FPGS: variants seen among roughly 807,000 people sequenced by gnomAD.
FPGS encodes folylpolyglutamate synthase, mitochondrial.
FPGS carries 53 observed loss-of-function variants against 66.5 expected under a neutral mutation model. The ratio of observed to expected loss-of-function variants is 0.80; its 90% CI spans 0.64 to 1.00. The LOEUF (loss-of-function observed/expected upper bound fraction) is 1.00, where lower values mean the gene tolerates loss of function less well. Among genes scored for constraint, FPGS ranks in the 50% least tolerant of loss-of-function variants. FPGS has a pLI of 0.00. For synonymous variants in FPGS, 348 were observed against 350.9 expected (o/e 0.99, Z 0.09); for missense variants, 702 against 807.7 (o/e 0.87, Z 1.59).
Position 127,808,011 on chromosome 9 carries a change from CA to C in FPGS, c.745-222del, listed in dbSNP as rs1247686661. On this transcript the variant is annotated intron_variant, in intron 8 of 14. Coordinates refer to ENST00000373247, the MANE Select transcript of FPGS (RefSeq NM_004957.6). Reference sequence around the variant, plus strand: ...GTTCCAGCTACTTGGGAGACTGAGGCAGGAGAATCACTCGAACCCGGGAGGC... The same window carrying C: ...GTTCCAGCTACTTGGGAGACTGAGGCGGAGAATCACTCGAACCCGGGAGGC... 2.1e-5 allele frequency: 12 copies of C among 579,274 alleles called. 1 individual carries two copies. The highest frequency in any genetic ancestry group is 9.2e-6 in the Non-Finnish European group (3 of 325,794). The allele number at this position is 579,274 out of a possible 1,614,324, so 35.9% of individuals were successfully genotyped here. A position where few individuals can be genotyped will look rare whatever the true frequency, so the allele number is the denominator to read the frequency against.
At chr9:127,804,775 A>T in intron 4 of FPGS, 75 bp downstream of exon 4, 1 of 1,457,220 alleles carries the variant, frequency 6.9e-7, no homozygotes, top group African/African-American at 1.4e-5. Flanking sequence ...CCAGTGCTTC[A>T]GGACCAGGGT....
chr9:127,803,118 G>A, intron 1 of FPGS, 56 bp downstream of exon 1: 1 of 1,299,982 alleles, frequency 7.7e-7, no homozygotes, highest in Non-Finnish European at 9.7e-7. Context: ...GTGGGCCTGC[G>A]CTGAGCCGCA....
rs11554716 is a variant in FPGS at position 127,803,047 on chromosome 9, G to A, written c.123G>A (p.Pro41=). ...GCGCGTGGCCGGTGCCGCAGGAGCC[G>A]AGCATGGAGTACCAGGTATCAGGCG... The part of the protein sequence containing the change: ...GLSAWPVPQE[P]SMEYQDAVRM... Residue 41 remains proline, a synonymous_variant, in exon 1 of 15, where the codon CCG becomes CCA. Coordinates refer to ENST00000373247, the MANE Select transcript of FPGS (RefSeq NM_004957.6). 0.011 allele frequency: 16,277 copies of A among 1,430,964 alleles called. 1,274 individuals carry two copies. The African/African-American group carries it at 0.19, about 17-fold the overall frequency. The allele number at this position is 1,430,964 out of a possible 1,614,324, so 88.6% of individuals were successfully genotyped here.
chr9:127,803,509 G>A, intron 1 of FPGS: 1 of 714,960 alleles, frequency 1.4e-6, no homozygotes. Context: ...GCCTGGATTT[G>A]GGGGAGAGGC....
intron 1 of FPGS, among the ~76,000 whole-genome samples, chr9:127,804,083 C>T (rs950083205): frequency 2.6e-5 from 4 of 152,210 alleles, no homozygotes; most frequent in Non-Finnish European, 5.9e-5. Flanking sequence ...CTGAACTGCC[C>T]CAGACTCCCA....
Position 127,808,698 on chromosome 9 carries a change from C to A in FPGS, c.963C>A (p.Asp321Glu). The change falls in exon 10 of 15, where the codon GAC becomes GAA. Residue 321 changes from aspartate to glutamate, a missense_variant. Around this residue, in one of 3 missense-constraint regions of FPGS, gnomAD observed 351 missense variants for 363.7 expected, o/e 0.97. Coordinates refer to ENST00000373247, the MANE Select transcript of FPGS (RefSeq NM_004957.6). ...QLAHCWLQRQDRHGAGEPKAS... is the reference protein window; with the variant it reads ...QLAHCWLQRQERHGAGEPKAS... Reference sequence around the variant, plus strand: ...CCCACTGCTGGCTGCAGCGGCAGGACCGCCATGGTGAGTGGGCAGCTGAGT... The same window carrying A: ...CCCACTGCTGGCTGCAGCGGCAGGAACGCCATGGTGAGTGGGCAGCTGAGT... 6.3e-7 allele frequency: 1 copy of A among 1,585,980 alleles called. No homozygotes were observed. Among genetic ancestry groups the A allele is most frequent in the Non-Finnish European group, 8.6e-7 (1 of 1,166,670 alleles).
chr9:127,811,481 A>G (rs954688641), intron 14 of FPGS, among the ~76,000 whole-genome samples: 17 of 62,216 alleles, frequency 2.7e-4, no homozygotes, highest in African/African-American at 6.8e-4. Context: ...AGACTGTCTC[A>G]AAAAAAAAAA....
In FPGS at chr9:127,809,936, C is replaced by T. The variant is rs1363788568; in HGVS notation, c.1212-95C>T. 15 of 1,066,566 alleles carry T rather than the reference C, an allele frequency of 1.4e-5. No homozygotes were observed. In the East Asian group the frequency reaches 2.6e-4, roughly 18 times the overall value. The allele number at this position is 1,066,566 out of a possible 1,614,324, so 66.1% of individuals were successfully genotyped here. On this transcript the variant is annotated intron_variant, in intron 12 of 14. Transcript: ENST00000373247. ...GTCGTGGGGAAGGGCGGGGGCGGGCCCATGGGGAGGGGCGGGGTCGTGGGC... is the reference window on the plus strand; with the variant it reads ...GTCGTGGGGAAGGGCGGGGGCGGGCTCATGGGGAGGGGCGGGGTCGTGGGC...
intron 1 of FPGS, 100 bp downstream of exon 1, chr9:127,803,162 G>C (rs1297360294): frequency 7.9e-7 from 1 of 1,259,938 alleles, no homozygotes; most frequent in African/African-American, 1.6e-5. Context: ...AGAGGGTATC[G>C]GGAGCCCTGG....
chr9:127,811,813 G>A (rs1830092522), intron 14 of FPGS, among the ~76,000 whole-genome samples: 1 of 152,088 alleles, frequency 6.6e-6, no homozygotes, highest in Non-Finnish European at 1.5e-5. Flanking sequence ...ATGAAATAGA[G>A]TAGAATAGAA....
chr9:127,808,508 A>G (rs1829914480), intron 9 of FPGS, 50 bp from the exon 10 acceptor site: 1 of 1,606,010 alleles, frequency 6.2e-7, no homozygotes, highest in Admixed American at 1.7e-5. Context: ...GCAAGGGCTG[A>G]CGTGGTCAGG....
chr9:127,809,762 A>G lies in FPGS; in HGVS notation c.1139A>G (p.His380Arg). Residue 380 changes from histidine to arginine, a missense_variant, in exon 12 of 15, where the codon CAC becomes CGC. By Grantham distance (29) the His-to-Arg change is conservative (BLOSUM62 0). This residue lies in a region of FPGS where 351 missense variants were observed against 363.7 expected (regional missense o/e 0.97). Transcript: ENST00000373247. ...GPLTWYLDGA[H>R]TASSAQACVR... ...CTCACCTGGTACCTGGACGGTGCGC[A>G]CACCGCCAGCAGCGCGCAGGCCTGC... The G allele has an allele frequency of 6.4e-7, 1 of 1,574,004 alleles. No individual in the cohort carries two copies. Among genetic ancestry groups the G allele is most frequent in the Non-Finnish European group, 8.6e-7 (1 of 1,169,426 alleles).
Position 127,806,980 on chromosome 9 carries a change from C to G in FPGS, c.394C>G (p.His132Asp). Residue 132 changes from histidine (H) to aspartate (D), a missense_variant, in exon 5 of 15, where the codon CAC becomes GAC. Physicochemically the swap from His to Asp is moderately conservative, Grantham distance 81. This residue lies in a region of FPGS where 240 missense variants were observed against 348.6 expected (regional missense o/e 0.69). Coordinates refer to ENST00000373247, the MANE Select transcript of FPGS (RefSeq NM_004957.6). ...GLKTGFFSSP[H>D]LVQVRERIRI... is the part of the protein sequence containing the mutation. ...CCCCAGCTGTCCCGGCAGCTCTCCC[C>G]ACCTGGTGCAGGTTCGGGAGCGGAT... is the stretch of plus-strand genomic sequence containing the variant. 12 of 1,613,788 alleles carry G rather than the reference C, an allele frequency of 7.4e-6. No individual in the cohort carries two copies. The highest frequency in any genetic ancestry group is 1.0e-5 in the Non-Finnish European group (12 of 1,179,786).
chr9:127,810,195 C>T (rs1830016357), intron 13 of FPGS, 89 bp downstream of exon 13: 1 of 1,112,504 alleles, frequency 9.0e-7, no homozygotes, highest in Non-Finnish European at 1.3e-6. Context: ...TCCCCTCCCC[C>T]TTGAGTTGTA....
intron 8 of FPGS, 84 bp from the exon 9 acceptor site, chr9:127,808,150 G>A: frequency 1.0e-6 from 1 of 985,456 alleles, no homozygotes; most frequent in South Asian, 1.3e-5. Flanking sequence ...GACAGTGGTA[G>A]CCCAGACCCA....
chr9:127,805,198 A>G (rs1261611132), intron 4 of FPGS, among the ~76,000 whole-genome samples: 2 of 151,972 alleles, frequency 1.3e-5, no homozygotes, highest in Admixed American at 1.3e-4. Context: ...CTTAATTTTC[A>G]TAATTAAAAA....
At chr9:127,814,480 C>T (rs770591872), downstream of FPGS, among the ~76,000 whole-genome samples, 2 of 152,118 alleles carry the variant, frequency 1.3e-5, no homozygotes, top group Non-Finnish European at 2.9e-5. Context: ...CCCGTCTCTG[C>T]TAAAAATACA....
intron 11 of FPGS, 56 bp downstream of exon 11, chr9:127,808,945 G>C: frequency 6.3e-6 from 5 of 797,176 alleles, no homozygotes; most frequent in Non-Finnish European, 9.6e-6. Flanking sequence ...TGCCCCTTCA[G>C]ATTTTTTTTT....
chr9:127,813,165 C>A, intron 14 of FPGS, 30 bp from the exon 15 acceptor site: 2 of 1,532,126 alleles, frequency 1.3e-6, no homozygotes, highest in Non-Finnish European at 8.8e-7. Context: ...CTCTCCCCTT[C>A]GCTGATAGGC....
Sources: gnomAD v4.1 joint callset for allele counts (sites outside exome capture counted in the v4.1 genomes callset) on GRCh38, gnomAD v4.1.1 for gene constraint, gnomAD v4.1.1 regional missense constraint, MANE v1.5 for transcripts, NCBI Gene and HGNC (gene_info 2026-07-23, HGNC 2026-07-21) for gene names.